EPHA3: variants seen among roughly 807,000 people sequenced by gnomAD.
The protein encoded by EPHA3 is EPH receptor A3, also known as ephrin type-A receptor 3.
In EPHA3, 42 loss-of-function variants were observed where a neutral mutation model predicts 107.1. The ratio of observed to expected loss-of-function variants is 0.39; its 90% CI spans 0.31 to 0.51. The LOEUF is 0.51. EPHA3 is among the 20% of genes least tolerant of loss of function. The pLI, the probability that EPHA3 is intolerant of heterozygous loss-of-function variation, is 0.78. For synonymous variants in EPHA3, 461 were observed against 424.8 expected, an observed-to-expected ratio of 1.09 and a Z score of -1.05; for missense variants, 1,183 against 1,211.2, an observed-to-expected ratio of 0.98 and a Z score of 0.35.
chr3:89,197,441 T>G (rs1255844606), intron 2 of EPHA3, among the ~76,000 whole-genome samples: 1 of 64,208 alleles, frequency 1.6e-5, no homozygotes, highest in Non-Finnish European at 3.9e-5. Flanking sequence ...AAAAAAAAAA[T>G]AAAAACATAA....
At chr3:89,319,611 A>G (rs989691605) in intron 3 of EPHA3, among the ~76,000 whole-genome samples, 1 of 151,814 alleles carries the variant, frequency 6.6e-6, no homozygotes, top group African/African-American at 2.4e-5. Context: ...CAGCACAATG[A>G]CTATACCCAT....
intron 12 of EPHA3, among the ~76,000 whole-genome samples, chr3:89,430,662 AT>A (rs1383139177): frequency 6.6e-6 from 1 of 152,192 alleles, no homozygotes; most frequent in Non-Finnish European, 1.5e-5. Context: ...CAAATATCCA[AT>A]AAATATTTTT....
chr3:89,420,605 T>C (rs1709334210), intron 11 of EPHA3, among the ~76,000 whole-genome samples: 1 of 151,532 alleles, frequency 6.6e-6, no homozygotes, highest in Non-Finnish European at 1.5e-5. Flanking sequence ...TAATAATTAA[T>C]AAAAATGGGC....
intron 3 of EPHA3, among the ~76,000 whole-genome samples, chr3:89,305,256 A>G (rs1706587594): frequency 6.6e-6 from 1 of 152,130 alleles, no homozygotes; most frequent in Admixed American, 6.6e-5. Flanking sequence ...ATACTTTTCA[A>G]CATGATGAGT....
chr3:89,134,353 G>A (rs1704267565), intron 2 of EPHA3, among the ~76,000 whole-genome samples: 2 of 151,858 alleles, frequency 1.3e-5, no homozygotes, highest in Admixed American at 6.6e-5. Flanking sequence ...ATCTCCTAAT[G>A]CTATCCCTCC....
intron 15 of EPHA3, among the ~76,000 whole-genome samples, chr3:89,466,508 G>T (rs965232674): frequency 7.5e-6 from 1 of 134,132 alleles, no homozygotes; most frequent in Non-Finnish European, 1.6e-5. Flanking sequence ...GACCCTCCGA[G>T]CCAGGTGTGG....
chr3:89,232,980 A>T (rs900748705), intron 3 of EPHA3, among the ~76,000 whole-genome samples: 4 of 152,140 alleles, frequency 2.6e-5, no homozygotes, highest in Non-Finnish European at 5.9e-5. Flanking sequence ...TCAGAAAATG[A>T]ACTCCTACTT....
rs564842812 is a variant in EPHA3, at chr3:89,207,541, A to C, written c.154-2319A>C. 3.3e-5 allele frequency among the ~76,000 whole-genome samples: 5 copies of C among 152,168 alleles called. No individual in the cohort carries two copies. In the South Asian group the frequency reaches 1.0e-3, roughly 32 times the overall value. The stretch of plus-strand genomic sequence containing the variant: ...TATTCTTTTTTTAAACAAACAAACA[A>C]AGCAAAAAACACACAAGAAAATCAT... On this transcript the variant is annotated intron_variant, in intron 2 of 16. Coordinates refer to ENST00000336596, the MANE Select transcript of EPHA3 (RefSeq NM_005233.6).
chr3:89,241,426 T>C (rs939048812), intron 3 of EPHA3, among the ~76,000 whole-genome samples: 1 of 152,190 alleles, frequency 6.6e-6, no homozygotes, highest in Non-Finnish European at 1.5e-5. Flanking sequence ...TCTTATATTT[T>C]AGCAATCTTG....
rs144890555 is a variant in EPHA3 at position 89,280,089 on chromosome 3, C to T, written c.815-60827C>T. The stretch of plus-strand genomic sequence containing the variant: ...CATGCACATGTCAGAGATGGGAACA[C>T]GGTATAATATTACATCAAAATAGCT... On this transcript the variant is annotated intron_variant, in intron 3 of 16. Coordinates refer to ENST00000336596, the MANE Select transcript of EPHA3 (RefSeq NM_005233.6). Among the ~76,000 whole-genome samples the T allele has an allele frequency of 5.4e-3, 814 of 151,364 alleles. 9 individuals are homozygous for T. The highest frequency in any genetic ancestry group is 0.019 in the African/African-American group (777 of 41,238).
intron 2 of EPHA3, among the ~76,000 whole-genome samples, chr3:89,158,581 T>A (rs1704855670): frequency 6.6e-6 from 1 of 152,180 alleles, no homozygotes. Context: ...CCTTATTATG[T>A]CTGCTTTTCC....
chr3:89,176,329 G>A (rs1559586462), intron 2 of EPHA3, among the ~76,000 whole-genome samples: 1 of 151,398 alleles, frequency 6.6e-6, no homozygotes, highest in African/African-American at 2.4e-5. Context: ...ACTAAAACGT[G>A]CAAAAATTAG....
chr3:89,366,669 G>T (rs1340700971), intron 5 of EPHA3, among the ~76,000 whole-genome samples: 1 of 150,578 alleles, frequency 6.6e-6, no homozygotes, highest in Non-Finnish European at 1.5e-5. Context: ...AGTATAGACG[G>T]AGTCAGCTTT....
intron 2 of EPHA3, among the ~76,000 whole-genome samples, chr3:89,181,518 G>A (rs1166588249): frequency 6.6e-6 from 1 of 151,862 alleles, no homozygotes; most frequent in Non-Finnish European, 1.5e-5. Flanking sequence ...CAAATAAACA[G>A]AAAAATAAAT....
At chr3:89,125,939 G>A (rs1303308324) in intron 1 of EPHA3, among the ~76,000 whole-genome samples, 1 of 151,402 alleles carries the variant, frequency 6.6e-6, no homozygotes, top group Non-Finnish European at 1.5e-5. Flanking sequence ...TAGTTGAGAT[G>A]ATTTTTTAAA....
chr3:89,317,479 A>C (rs1706935680), intron 3 of EPHA3, among the ~76,000 whole-genome samples: 1 of 151,922 alleles, frequency 6.6e-6, no homozygotes, highest in East Asian at 1.9e-4. Flanking sequence ...AAAATATTAT[A>C]AAATGAACTC....
intron 2 of EPHA3, among the ~76,000 whole-genome samples, chr3:89,209,206 T>G (rs1192133136): frequency 1.3e-5 from 2 of 152,222 alleles, no homozygotes; most frequent in Non-Finnish European, 2.9e-5. Context: ...TGCAAAAGGC[T>G]TTAAGAATCG....
intron 2 of EPHA3, among the ~76,000 whole-genome samples, chr3:89,137,826 T>A (rs1704347383): frequency 6.6e-6 from 1 of 152,054 alleles, no homozygotes; most frequent in Non-Finnish European, 1.5e-5. Flanking sequence ...TTATTAATTT[T>A]GTTAATAAGG....
At chr3:89,450,475 T>C in intron 15 of EPHA3, 105 bp downstream of exon 15, 1 of 1,087,884 alleles carries the variant, frequency 9.2e-7, no homozygotes, top group Middle Eastern at 3.1e-4. Flanking sequence ...TATTTGAAGC[T>C]TGTATTCCAC....
Sources: allele counts gnomAD v4.1 joint callset (sites outside exome capture counted in the v4.1 genomes callset), GRCh38; gene constraint gnomAD v4.1.1; transcripts MANE v1.5; gene names NCBI Gene and HGNC (gene_info 2026-07-23, HGNC 2026-07-21).